RNPS1: variants seen among roughly 807,000 people sequenced by gnomAD.
The protein encoded by RNPS1 is RNA-binding protein with serine-rich domain 1.
For missense variants in RNPS1, 300 were observed against 427.6 expected (o/e 0.70, Z 2.63); for synonymous variants, 147 against 150.0 (o/e 0.98, Z 0.15).
At position 2,260,405 on chromosome 16, in the gene RNPS1, C is replaced by T. The variant is rs145317212; in HGVS notation, c.676+1873G>A. On this transcript the variant is annotated intron_variant, in intron 6 of 7. Transcript: ENST00000320225. ...TCCTGACCTCAGGTGATCCATGTTGCCCAGTCTATTTGTACGTATTCTTAA... is the reference window on the plus strand; with the variant it reads ...TCCTGACCTCAGGTGATCCATGTTGTCCAGTCTATTTGTACGTATTCTTAA... Among the ~76,000 whole-genome samples, 1,007 of 152,062 alleles carry T rather than the reference C, an allele frequency of 6.6e-3. 12 individuals carry two copies. The highest frequency in any genetic ancestry group is 0.023 in the African/African-American group (949 of 41,486).
At position 2,266,110 on chromosome 16, in the gene RNPS1, C is replaced by G. The variant is rs973033975; in HGVS notation, c.-117-1350G>C. The G allele has an allele frequency of 9.1e-6, 9 of 985,296 alleles. No homozygotes were observed. The African/African-American group carries it at 1.2e-4, about 13-fold the overall frequency. The allele number at this position is 985,296 out of a possible 1,614,324, so 61.0% of individuals were successfully genotyped here. On this transcript the variant is annotated intron_variant, in intron 1 of 7. Transcript: ENST00000320225. The stretch of plus-strand genomic sequence containing the variant: ...GGAGTCTCAGCTACTTCTGTCTCAC[C>G]TTCTCCAAGAGCCAGTTGGTAAGGA...
Position 2,253,796 on chromosome 16 carries a change from A to G in RNPS1, c.*168T>C. ...ACAGGCACACAGCATCCAAACCAACAGCACTTCTGCAGCCGGGGCCCGGCT... is the reference window on the plus strand; with the variant it reads ...ACAGGCACACAGCATCCAAACCAACGGCACTTCTGCAGCCGGGGCCCGGCT... On this transcript the variant is annotated 3_prime_UTR_variant, in exon 8 of 8. Transcript: ENST00000320225. The G allele has an allele frequency of 1.4e-6, 1 of 719,998 alleles. No homozygotes were observed. Among genetic ancestry groups the G allele is most frequent in the African/African-American group, 1.7e-5 (1 of 57,380 alleles). 44.6% of individuals were successfully genotyped at this position (719,998 alleles called of 1,614,324 possible). A position where few individuals can be genotyped will look rare whatever the true frequency, so the allele number is the denominator to read the frequency against.
At position 2,262,280 on chromosome 16, in the gene RNPS1, C is replaced by T; in HGVS notation, c.674G>A (p.Gly225Glu). 1 of 1,612,570 alleles carries T rather than the reference C, an allele frequency of 6.2e-7. No individual in the cohort carries two copies. Among genetic ancestry groups the T allele is most frequent in the Non-Finnish European group, 8.5e-7 (1 of 1,179,944 alleles). Residue 225 changes from glycine to glutamate, a missense_variant and splice_region_variant, in exon 6 of 8, where the codon GGA becomes GAA. By Grantham distance (98) the Gly-to-Glu change is moderately conservative. Transcript: ENST00000320225. ...EAEKALKHMD[G>E]GQIDGQEITA... ...GGTTATGTGGCAGGGTCACCCACCT[C>T]CATCCATGTGCTTCAGCGCCTTCTC... is the stretch of plus-strand genomic sequence containing the variant.
At position 2,253,442 on chromosome 16, in the gene RNPS1, C is replaced by T. The variant is rs9172; in HGVS notation, c.*522G>A. 2,016 of 204,200 alleles carry T rather than the reference C, an allele frequency of 9.9e-3. 49 individuals carry two copies. Among genetic ancestry groups the T allele is most frequent in the African/African-American group, 0.043 (1,825 of 42,024 alleles). 12.6% of individuals were successfully genotyped at this position (204,200 alleles called of 1,614,324 possible). On this transcript the variant is annotated 3_prime_UTR_variant, in exon 8 of 8. Coordinates refer to ENST00000320225, the MANE Select transcript of RNPS1 (RefSeq NM_080594.4). ...ATCGGTGCACGGACAGACAGAACCA[C>T]GAGCAGCAACTACCATGGGTGAGAG...
At chr16:2,263,446 C>G (rs989197718) in intron 3 of RNPS1, among the ~76,000 whole-genome samples, 159 bp from the exon 4 acceptor site, 2 of 152,194 alleles carry the variant, frequency 1.3e-5, no homozygotes, top group African/African-American at 2.4e-5. Context: ...CCCCCAATCC[C>G]CCAGCAAGTC....
Position 2,253,804 on chromosome 16 carries a change from T to C in RNPS1, c.*160A>G, listed in dbSNP as rs747462407. The C allele has an allele frequency of 1.1e-5, 8 of 730,792 alleles. No individual in the cohort carries two copies. Among genetic ancestry groups the C allele is most frequent in the Admixed American group, 4.0e-5 (2 of 49,670 alleles). 45.3% of individuals were successfully genotyped at this position (730,792 alleles called of 1,614,324 possible). A position where few individuals can be genotyped will look rare whatever the true frequency, so the allele number is the denominator to read the frequency against. On this transcript the variant is annotated 3_prime_UTR_variant, in exon 8 of 8. Coordinates refer to ENST00000320225, the MANE Select transcript of RNPS1 (RefSeq NM_080594.4). ...ACAGCATCCAAACCAACAGCACTTC[T>C]GCAGCCGGGGCCCGGCTGGCAGAGG...
At chr16:2,267,753 A>C (rs947505561) in intron 1 of RNPS1, 405 of 1,317,998 alleles carry the variant, frequency 3.1e-4, no homozygotes, top group Non-Finnish European at 3.5e-4. Context: ...GGAGGGCCCC[A>C]AGGGCGGAGG....
chr16:2,267,836 T>C, intron 1 of RNPS1: 4 of 1,505,724 alleles, frequency 2.7e-6, no homozygotes, highest in South Asian at 2.5e-5. Flanking sequence ...ACAGGCGCCC[T>C]TCCGTCCGCA....
At chr16:2,259,693 T>C (rs1326996168) in intron 6 of RNPS1, among the ~76,000 whole-genome samples, 5 of 152,172 alleles carry the variant, frequency 3.3e-5, no homozygotes, top group Non-Finnish European at 7.4e-5. Flanking sequence ...ATCCAGACCA[T>C]CCTGGCTAAC....
intron 6 of RNPS1, chr16:2,256,664 G>A (rs1347261521): frequency 6.6e-6 from 1 of 152,424 alleles, no homozygotes; most frequent in East Asian, 1.9e-4. Flanking sequence ...GTGAGAGAAG[G>A]TAGCATCGAG....
At position 2,262,891 on chromosome 16, in the gene RNPS1, G is replaced by A. The variant is rs766246371; in HGVS notation, c.420-49C>T. ...GAAACAATTTCTGTCAAGTCAAAAT[G>A]TACTAGACGCCTTTCGAGTAAGCTC... On this transcript the variant is annotated intron_variant, in intron 4 of 7. Transcript: ENST00000320225. 7.3e-6 allele frequency: 11 copies of A among 1,512,654 alleles called. No homozygotes were observed. The Admixed American group carries it at 1.0e-4, about 14-fold the overall frequency. 93.7% of individuals were successfully genotyped at this position (1,512,654 alleles called of 1,614,324 possible).
rs1183662739 is a variant in RNPS1 at position 2,255,575 on chromosome 16, A to G, written c.818+10T>C. The G allele has an allele frequency of 1.9e-6, 3 of 1,563,182 alleles. No individual in the cohort carries two copies. The highest frequency in any genetic ancestry group is 2.6e-6 in the Non-Finnish European group (3 of 1,158,576). On this transcript the variant is annotated intron_variant, in intron 7 of 7. Transcript: ENST00000320225. The stretch of plus-strand genomic sequence containing the variant: ...GCCTGATCAGTCCACTGAAACTACA[A>G]ATTGTTTACCTTCTCCTCATCCGTG...
chr16:2,260,963 T>C (rs1567324878), intron 6 of RNPS1, among the ~76,000 whole-genome samples: 1 of 152,094 alleles, frequency 6.6e-6, no homozygotes, highest in Non-Finnish European at 1.5e-5. Flanking sequence ...ACCCCGTCTC[T>C]ACTAAAAATA....
intron 6 of RNPS1, 126 bp from the exon 7 acceptor site, chr16:2,255,852 G>A (rs1169073653): frequency 1.9e-6 from 2 of 1,073,020 alleles, no homozygotes; most frequent in African/African-American, 1.6e-5. Flanking sequence ...ACAGGGCCGG[G>A]CATGGTGGCT....
intron 1 of RNPS1, 125 bp from the exon 2 acceptor site, chr16:2,264,885 C>CCG (rs1555485610): frequency 2.2e-4 from 125 of 563,458 alleles, no homozygotes; most frequent in Non-Finnish European, 3.3e-4. Context: ...AGTGTCCACA[C>CCG]AGTCAGGAAC....
intron 1 of RNPS1, chr16:2,266,689 C>T (rs2093626380): frequency 4.1e-6 from 4 of 985,416 alleles, no homozygotes; most frequent in Non-Finnish European, 4.8e-6. Flanking sequence ...CACCCGCCTT[C>T]GAATCACCTG....
At chr16:2,265,397 C>A (rs938314771) in intron 1 of RNPS1, 2 of 151,794 alleles carry the variant, frequency 1.3e-5, no homozygotes, top group Non-Finnish European at 2.9e-5. Context: ...CTGCAATTCA[C>A]TTTTAAAGAA....
chr16:2,262,450 C>T lies in RNPS1; in HGVS notation c.523-19G>A, dbSNP rs1287947655. 1.2e-6 allele frequency: 2 copies of T among 1,613,474 alleles called. No homozygotes were observed. The highest frequency in any genetic ancestry group is 4.5e-5 in the East Asian group (2 of 44,896). ...TGTGATCCTAGAGGGAAAGAAGGGT[C>T]ACGCCAACGCCCAGCTACCAGTCAG... On this transcript the variant is annotated intron_variant, in intron 5 of 7. Transcript: ENST00000320225.
At position 2,253,625 on chromosome 16, in the gene RNPS1, C is replaced by G. The variant is rs1030586148; in HGVS notation, c.*339G>C. ...CGGCCTGGCCACCATCCCAGGTCAT[C>G]GGGGAAGGGAAAAGTGTGCTCCCAG... On this transcript the variant is annotated 3_prime_UTR_variant, in exon 8 of 8. Coordinates refer to ENST00000320225, the MANE Select transcript of RNPS1 (RefSeq NM_080594.4). The G allele has an allele frequency of 4.6e-6, 2 of 434,834 alleles. No homozygotes were observed. Among genetic ancestry groups the G allele is most frequent in the East Asian group, 1.0e-4 (2 of 19,380 alleles). 26.9% of individuals were successfully genotyped at this position (434,834 alleles called of 1,614,324 possible). A position where few individuals can be genotyped will look rare whatever the true frequency, so the allele number is the denominator to read the frequency against.
Sources: allele counts gnomAD v4.1 joint callset (sites outside exome capture counted in the v4.1 genomes callset), GRCh38; gene constraint gnomAD v4.1.1; transcripts MANE v1.5; gene names NCBI Gene and HGNC (gene_info 2026-07-23, HGNC 2026-07-21).